The following ADAMTS6 variants were observed in gnomAD, a reference collection of about 807,000 sequenced individuals.
ADAMTS6 encodes the protein A disintegrin and metalloproteinase with thrombospondin motifs 6.
In ADAMTS6, 23 loss-of-function variants were observed where a neutral mutation model predicts 144.3. The ratio of observed to expected loss-of-function variants is 0.16; its 90% CI spans 0.11 to 0.23. The LOEUF (loss-of-function observed/expected upper bound fraction) is 0.23. Among genes scored for constraint, ADAMTS6 ranks in the 10% least tolerant of loss-of-function variants. The pLI is 1.00. For missense variants in ADAMTS6, 999 were observed against 1,379.6 expected, an observed-to-expected ratio of 0.72 and a Z score of 4.37; for synonymous variants, 444 against 457.5, an observed-to-expected ratio of 0.97 and a Z score of 0.38.
chr5:65,320,009 T>A (rs1236373838), intron 9 of ADAMTS6, among the ~76,000 whole-genome samples: 2 of 151,772 alleles, frequency 1.3e-5, no homozygotes, highest in Non-Finnish European at 2.9e-5. Flanking sequence ...ACACCTGGCT[T>A]ATTTTGTATT....
At chr5:65,224,449 A>C (rs1314298656) in intron 17 of ADAMTS6, 49 bp from the exon 18 acceptor site, 1 of 1,461,368 alleles carries the variant, frequency 6.8e-7, no homozygotes, top group South Asian at 1.1e-5. Context: ...TCAGGAAATG[A>C]GTATTTGGTA....
chr5:65,387,330 C>T (rs1001658185), intron 7 of ADAMTS6, among the ~76,000 whole-genome samples: 6 of 152,046 alleles, frequency 3.9e-5, no homozygotes, highest in Non-Finnish European at 7.4e-5. Context: ...ATTAATTATT[C>T]CTTTATTCTT....
chr5:65,400,862 C>T (rs1025335063), intron 7 of ADAMTS6, among the ~76,000 whole-genome samples: 12 of 152,152 alleles, frequency 7.9e-5, no homozygotes, highest in African/African-American at 1.9e-4. Flanking sequence ...TCTTCATTTC[C>T]GTTACAGCGT....
chr5:65,346,128 A>G (rs1021017499), intron 7 of ADAMTS6, among the ~76,000 whole-genome samples: 3 of 151,964 alleles, frequency 2.0e-5, no homozygotes, highest in Non-Finnish European at 4.4e-5. Context: ...GACTACTTCC[A>G]AATTCATTTT....
intron 14 of ADAMTS6, chr5:65,256,551 T>A (rs1381561050): frequency 6.6e-6 from 1 of 152,126 alleles, no homozygotes; most frequent in Non-Finnish European, 1.5e-5. Flanking sequence ...CTCCTTATAA[T>A]CTGCTGAAAG....
intron 7 of ADAMTS6, among the ~76,000 whole-genome samples, chr5:65,408,208 T>C (rs549188002): frequency 6.6e-6 from 1 of 152,260 alleles, no homozygotes; most frequent in Non-Finnish European, 1.5e-5. Context: ...ACTGGCAAAT[T>C]GGATAAAGAG....
At chr5:65,448,072 T>C (rs1280174413) in intron 7 of ADAMTS6, among the ~76,000 whole-genome samples, 2 of 150,144 alleles carry the variant, frequency 1.3e-5, no homozygotes, top group Non-Finnish European at 3.0e-5. Context: ...ATATTACTTA[T>C]TATGAATAAT....
At chr5:65,468,737 A>G (rs1266216955) in intron 3 of ADAMTS6, among the ~76,000 whole-genome samples, 1 of 152,216 alleles carries the variant, frequency 6.6e-6, no homozygotes, top group Non-Finnish European at 1.5e-5. Context: ...CATCTCCTTC[A>G]TTGTAGAAAA....
chr5:65,394,815 C>T (rs1434673111), intron 7 of ADAMTS6, among the ~76,000 whole-genome samples: 6 of 152,126 alleles, frequency 3.9e-5, no homozygotes, highest in Non-Finnish European at 8.8e-5. Context: ...ACCCTCCAAA[C>T]TTACAGAGTC....
At position 65,157,180 on chromosome 5, in the gene ADAMTS6, G is replaced by C. The variant is rs545548485; in HGVS notation, c.3245-5235C>G. Among the ~76,000 whole-genome samples, 5 of 152,318 alleles carry C rather than the reference G, an allele frequency of 3.3e-5. No homozygotes were observed. The East Asian group carries it at 9.6e-4, about 29-fold the overall frequency. On this transcript the variant is annotated intron_variant, in intron 24 of 24. Transcript: ENST00000381055. ...GTTCTCATTGGTAATCTGGGTTTTGGTAGAGTTGAATGATAAAATTAGACA... is the reference window on the plus strand; with the variant it reads ...GTTCTCATTGGTAATCTGGGTTTTGCTAGAGTTGAATGATAAAATTAGACA...
intron 22 of ADAMTS6, among the ~76,000 whole-genome samples, chr5:65,180,550 T>A (rs1754284096): frequency 6.6e-6 from 1 of 152,178 alleles, no homozygotes; most frequent in Admixed American, 6.5e-5. Flanking sequence ...CCACTAACCT[T>A]ACTTCAGACA....
chr5:65,309,754 T>C (rs1455873859), intron 9 of ADAMTS6, among the ~76,000 whole-genome samples: 1 of 152,178 alleles, frequency 6.6e-6, no homozygotes, highest in East Asian at 1.9e-4. Flanking sequence ...GCTTTGTAAA[T>C]TGATTTGGTT....
intron 7 of ADAMTS6, among the ~76,000 whole-genome samples, chr5:65,338,208 C>T (rs1263098215): frequency 2.0e-5 from 3 of 152,272 alleles, no homozygotes; most frequent in Admixed American, 2.0e-4. Context: ...AGTGTAATAA[C>T]GGCTTCAGAT....
rs556025044 is a variant in ADAMTS6, at chr5:65,333,738, C to T, written c.1117+304G>A. Among the ~76,000 whole-genome samples, 9 of 150,618 alleles carry T rather than the reference C, an allele frequency of 6.0e-5. No individual in the cohort carries two copies. In the South Asian group the frequency reaches 8.4e-4, roughly 14 times the overall value. On this transcript the variant is annotated intron_variant, in intron 8 of 24. Transcript: ENST00000381055. ...ATTATATGAACATGAGTGATAACCT[C>T]GATTTATAATTCTTTAATGAATTTG...
chr5:65,242,792 A>G (rs1247503555), intron 14 of ADAMTS6, among the ~76,000 whole-genome samples: 1 of 152,188 alleles, frequency 6.6e-6, no homozygotes, highest in Non-Finnish European at 1.5e-5. Context: ...ATTATGATTT[A>G]CATTTAATTT....
chr5:65,282,804 T>C (rs1436037918), intron 11 of ADAMTS6, among the ~76,000 whole-genome samples: 1 of 152,028 alleles, frequency 6.6e-6, no homozygotes, highest in African/African-American at 2.4e-5. Flanking sequence ...TGACCCCACC[T>C]TCCCATCGTG....
chr5:65,390,819 T>C (rs995543135), intron 7 of ADAMTS6, among the ~76,000 whole-genome samples: 1 of 152,230 alleles, frequency 6.6e-6, no homozygotes, highest in African/African-American at 2.4e-5. Flanking sequence ...TATTGTTCAC[T>C]TTGGTGCTCA....
chr5:65,364,724 G>A (rs143447266), intron 7 of ADAMTS6, among the ~76,000 whole-genome samples: 7,408 of 151,752 alleles, frequency 0.049, 238 homozygotes, highest in East Asian at 0.11. Flanking sequence ...CCGTCACTGC[G>A]CCCAGCTAAT....
Position 65,273,579 on chromosome 5 carries a change from T to C in ADAMTS6, c.1513-132A>G, listed in dbSNP as rs1762224901. On this transcript the variant is annotated intron_variant, in intron 11 of 24. Coordinates refer to ENST00000381055, the MANE Select transcript of ADAMTS6 (RefSeq NM_197941.4). ...CCTTTTGCTGCTGAAGCATCGCAGTTGAGGATTTTGGAGGAGGTTTTTATG... is the reference window on the plus strand; with the variant it reads ...CCTTTTGCTGCTGAAGCATCGCAGTCGAGGATTTTGGAGGAGGTTTTTATG... 3 of 597,068 alleles carry C rather than the reference T, an allele frequency of 5.0e-6. No individual in the cohort carries two copies. The South Asian group carries it at 7.8e-5, about 16-fold the overall frequency. The allele number at this position is 597,068 out of a possible 1,614,324, so 37.0% of individuals were successfully genotyped here. A position where few individuals can be genotyped will look rare whatever the true frequency, so the allele number is the denominator to read the frequency against.
Sources: gnomAD v4.1 joint callset for allele counts (sites outside exome capture counted in the v4.1 genomes callset) on GRCh38, gnomAD v4.1.1 for gene constraint, MANE v1.5 for transcripts, NCBI Gene and HGNC (gene_info 2026-07-23, HGNC 2026-07-21) for gene names.